Variants in CSMD1 observed in about 807,000 individuals in gnomAD.
CSMD1 encodes CUB and Sushi multiple domains 1, also known as CUB and sushi domain-containing protein 1.
Under a neutral mutation model 417.5 loss-of-function variants are expected in CSMD1, and 213 were observed. That is an observed-to-expected ratio of 0.51 (90% CI 0.46 to 0.57). The LOEUF is 0.57. Ranked by LOEUF, CSMD1 falls within the 20% of genes least tolerant of loss-of-function variation. The probability of loss-of-function intolerance (pLI) is 0.00; values close to 1 mark genes in which losing one functional copy is unlikely to be tolerated. For missense variants in CSMD1, 6,923 were observed against 4,529.7 expected (o/e 1.53, Z -15.17); for synonymous variants, 2,862 against 1,736.8 (o/e 1.65, Z -16.11).
intron 2 of CSMD1, among the ~76,000 whole-genome samples, chr8:4,463,836 C>A (rs1351934769): frequency 6.6e-6 from 1 of 151,942 alleles, no homozygotes; most frequent in Non-Finnish European, 1.5e-5. Flanking sequence ...AATGCATAAC[C>A]CCAGGAATAT....
chr8:3,677,524 C>A (rs763202648), intron 7 of CSMD1, among the ~76,000 whole-genome samples: 2 of 152,118 alleles, frequency 1.3e-5, no homozygotes, highest in South Asian at 2.1e-4. Flanking sequence ...CCAGGTGTCC[C>A]CAGGGTGGCT....
At chr8:4,089,586 C>G (rs573833339) in intron 3 of CSMD1, among the ~76,000 whole-genome samples, 2 of 152,216 alleles carry the variant, frequency 1.3e-5, no homozygotes, top group Non-Finnish European at 2.9e-5. Flanking sequence ...TATACCTCTT[C>G]TCTCAAAGGT....
chr8:4,362,107 T>A (rs998273245), intron 3 of CSMD1, among the ~76,000 whole-genome samples: 3 of 152,130 alleles, frequency 2.0e-5, no homozygotes, highest in Non-Finnish European at 4.4e-5. Context: ...GAGAACAGAA[T>A]TACAAATCCA....
At chr8:3,197,761 G>A (rs996128487) in intron 33 of CSMD1, among the ~76,000 whole-genome samples, 2 of 152,196 alleles carry the variant, frequency 1.3e-5, no homozygotes, top group African/African-American at 2.4e-5. Context: ...ACCGTGCCCG[G>A]CTTCAAATAC....
intron 1 of CSMD1, among the ~76,000 whole-genome samples, chr8:4,745,340 G>T (rs180935272): frequency 4.6e-5 from 7 of 152,234 alleles, no homozygotes; most frequent in Non-Finnish European, 7.4e-5. Context: ...AGAAAGAAAT[G>T]CTATACAGTT....
intron 3 of CSMD1, among the ~76,000 whole-genome samples, chr8:4,122,428 C>T (rs561123004): frequency 4.6e-5 from 7 of 152,298 alleles, no homozygotes; most frequent in African/African-American, 1.7e-4. Context: ...CAACAAACCT[C>T]TGACGCAGTT....
At chr8:4,821,820 C>T (rs541164805) in intron 1 of CSMD1, among the ~76,000 whole-genome samples, 121 of 152,166 alleles carry the variant, frequency 8.0e-4, no homozygotes, top group African/African-American at 2.8e-3. Context: ...AAATAAAAGC[C>T]AACAAACTCA....
chr8:4,019,196 T>C (rs1563324910), intron 4 of CSMD1, among the ~76,000 whole-genome samples: 1 of 152,154 alleles, frequency 6.6e-6, no homozygotes, highest in Non-Finnish European at 1.5e-5. Flanking sequence ...ACAGGTTTAT[T>C]ATGGACAATA....
intron 10 of CSMD1, among the ~76,000 whole-genome samples, chr8:3,519,226 T>A (rs1797402999): frequency 6.6e-6 from 1 of 152,238 alleles, no homozygotes; most frequent in Non-Finnish European, 1.5e-5. Context: ...CAACACTTTT[T>A]CTTTCCCTGC....
At chr8:3,704,847 T>C (rs980506982) in intron 7 of CSMD1, 8 of 152,300 alleles carry the variant, frequency 5.3e-5, no homozygotes, top group African/African-American at 1.7e-4. Context: ...TGCTGAACTC[T>C]TGCTGATGCC....
intron 5 of CSMD1, among the ~76,000 whole-genome samples, chr8:3,821,248 T>C (rs1271492714): frequency 6.6e-6 from 1 of 152,028 alleles, no homozygotes; most frequent in African/African-American, 2.4e-5. Context: ...GTAGAATGAG[T>C]ACACACTAAA....
intron 7 of CSMD1, among the ~76,000 whole-genome samples, chr8:3,698,304 T>C (rs865785152): frequency 1.3e-5 from 2 of 152,250 alleles, no homozygotes; most frequent in Admixed American, 6.5e-5. Flanking sequence ...ATTTGTTTTA[T>C]ATGGAGATGG....
At chr8:4,050,581 T>C (rs1798373992) in intron 3 of CSMD1, among the ~76,000 whole-genome samples, 1 of 152,098 alleles carries the variant, frequency 6.6e-6, no homozygotes, top group Non-Finnish European at 1.5e-5. Context: ...TACTACTTTA[T>C]TTCAAAATAT....
intron 10 of CSMD1, among the ~76,000 whole-genome samples, chr8:3,561,424 T>C (rs1799461682): frequency 1.3e-5 from 2 of 152,018 alleles, no homozygotes; most frequent in African/African-American, 2.4e-5. Context: ...AAATGCGGTA[T>C]CTTTACACCA....
At chr8:4,355,382 G>A (rs1357219344) in intron 3 of CSMD1, among the ~76,000 whole-genome samples, 2 of 151,384 alleles carry the variant, frequency 1.3e-5, no homozygotes, top group Admixed American at 6.6e-5. Context: ...CTACAAAAAT[G>A]ACGCGTTAAG....
chr8:4,980,937 G>A (rs10503297), intron 1 of CSMD1, among the ~76,000 whole-genome samples: 38,424 of 151,512 alleles, frequency 0.25, 6,163 homozygotes, highest in Non-Finnish European at 0.36. Flanking sequence ...TCTGTACTTT[G>A]CCCAGCAACA....
intron 13 of CSMD1, among the ~76,000 whole-genome samples, chr8:3,408,634 A>G (rs1316317664): frequency 2.6e-5 from 4 of 152,178 alleles, no homozygotes; most frequent in Non-Finnish European, 4.4e-5. Flanking sequence ...TATATTTTAT[A>G]CTTTCCTGTG....
chr8:4,138,557 A>G (rs1408216171), intron 3 of CSMD1, among the ~76,000 whole-genome samples: 1 of 152,188 alleles, frequency 6.6e-6, no homozygotes, highest in Non-Finnish European at 1.5e-5. Context: ...TATCTAAGAA[A>G]GAATCCCCTG....
intron 1 of CSMD1, among the ~76,000 whole-genome samples, chr8:4,789,961 G>C (rs1281270170): frequency 6.6e-6 from 1 of 152,156 alleles, no homozygotes; most frequent in African/African-American, 2.4e-5. Context: ...GTATCTTAAA[G>C]GTGCTATTTC....
Sources: allele counts gnomAD v4.1 joint callset (sites outside exome capture counted in the v4.1 genomes callset), GRCh38; gene constraint gnomAD v4.1.1; transcripts MANE v1.5; gene names NCBI Gene and HGNC (gene_info 2026-07-23, HGNC 2026-07-21).